Variants in EYA1 observed in about 807,000 individuals in gnomAD.
EYA1 encodes protein phosphatase EYA1.
In EYA1, 16 loss-of-function variants were observed where a neutral mutation model predicts 82.0. The observed-to-expected ratio is 0.20, with a 90% CI of 0.13 to 0.30. The LOEUF (loss-of-function observed/expected upper bound fraction) is 0.30. EYA1 is among the 10% of genes least tolerant of loss of function. The pLI, the probability that EYA1 is intolerant of heterozygous loss-of-function variation, is 1.00. For missense variants in EYA1, 633 were observed against 730.7 expected (o/e 0.87, Z 1.54); for synonymous variants, 261 against 264.4 (o/e 0.99, Z 0.12).
At chr8:71,266,018 T>G (rs1815755023) in intron 11 of EYA1, among the ~76,000 whole-genome samples, 1 of 152,220 alleles carries the variant, frequency 6.6e-6, no homozygotes, top group South Asian at 2.1e-4. Flanking sequence ...AACTTTTTTT[T>G]GGTACACATT....
chr8:71,319,180 G>A lies in EYA1; in HGVS notation c.419-1491C>T, dbSNP rs187965632. On this transcript the variant is annotated intron_variant, in intron 6 of 17. Coordinates refer to ENST00000340726, the MANE Select transcript of EYA1 (RefSeq NM_000503.6). ...GAGTCTCGCTCTGTCACCCAGGCTC[G>A]AGTGCAGTGGCGCAATCTCAGCTCA... is the stretch of plus-strand genomic sequence containing the variant. Among the ~76,000 whole-genome samples, 217 of 151,214 alleles carry A rather than the reference G, an allele frequency of 1.4e-3. 1 individual carries two copies. Among genetic ancestry groups the A allele is most frequent in the African/African-American group, 5.1e-3 (210 of 41,138 alleles).
At chr8:71,545,855 C>T (rs929379419) in intron 1 of EYA1, among the ~76,000 whole-genome samples, 5 of 152,110 alleles carry the variant, frequency 3.3e-5, no homozygotes, top group South Asian at 2.1e-4. Flanking sequence ...CCACTGTGCC[C>T]GGCCTTTTTT....
At chr8:71,326,788 C>G (rs1823200237) in intron 4 of EYA1, among the ~76,000 whole-genome samples, 1 of 152,140 alleles carries the variant, frequency 6.6e-6, no homozygotes, top group Non-Finnish European at 1.5e-5. Flanking sequence ...TGAACTAACA[C>G]AGTCATCTTT....
intron 3 of EYA1, among the ~76,000 whole-genome samples, chr8:71,346,911 A>G (rs1220701495): frequency 6.6e-6 from 1 of 152,208 alleles, no homozygotes; most frequent in Admixed American, 6.5e-5. Flanking sequence ...GCATTTATTT[A>G]ACAATTTTTT....
intron 11 of EYA1, among the ~76,000 whole-genome samples, chr8:71,267,469 G>T (rs1815978948): frequency 6.6e-6 from 1 of 152,106 alleles, no homozygotes; most frequent in Non-Finnish European, 1.5e-5. Context: ...ATCAATGAAG[G>T]ATACACTTAT....
chr8:71,254,399 C>G (rs6999901), intron 11 of EYA1, among the ~76,000 whole-genome samples: 18,258 of 152,008 alleles, frequency 0.12, 1,191 homozygotes, highest in African/African-American at 0.15. Context: ...CTCCCAGGAA[C>G]TCTGTAGGAC....
chr8:71,263,975 A>T (rs1815456771), intron 11 of EYA1, among the ~76,000 whole-genome samples: 1 of 152,204 alleles, frequency 6.6e-6, no homozygotes, highest in African/African-American at 2.4e-5. Context: ...ACACAGCCAC[A>T]TTTATTCATT....
intron 12 of EYA1, among the ~76,000 whole-genome samples, chr8:71,221,873 A>C (rs1284155184): frequency 6.6e-6 from 1 of 152,168 alleles, no homozygotes; most frequent in Non-Finnish European, 1.5e-5. Context: ...AAAGCCTCAG[A>C]TAGACATGCG....
rs1824198567 is a variant in EYA1, at chr8:71,334,082, A to G, written c.202+15T>C. 1.3e-6 allele frequency: 2 copies of G among 1,597,756 alleles called. No homozygotes were observed. The highest frequency in any genetic ancestry group is 1.7e-6 in the Non-Finnish European group (2 of 1,165,250). ...TGCTTGGTGTTGATGTGAAAATCTA[A>G]TATTTATTCCTTACCTGAACCTGAG... On this transcript the variant is annotated intron_variant, in intron 4 of 17. Coordinates refer to ENST00000340726, the MANE Select transcript of EYA1 (RefSeq NM_000503.6).
chr8:71,469,054 T>C (rs1194079773), intron 2 of EYA1, among the ~76,000 whole-genome samples: 7 of 152,102 alleles, frequency 4.6e-5, no homozygotes, highest in Admixed American at 4.6e-4. Context: ...AGCTTGGAAC[T>C]TAGTATCTGA....
At chr8:71,356,592 G>A in intron 1 of EYA1, 81 bp from the exon 2 acceptor site, 3 of 1,483,784 alleles carry the variant, frequency 2.0e-6, no homozygotes, top group Non-Finnish European at 2.7e-6. Flanking sequence ...GCACATGGCT[G>A]AGAACGACAA....
At chr8:71,383,214 T>A (rs1307023042) in intron 2 of EYA1, among the ~76,000 whole-genome samples, 1 of 152,092 alleles carries the variant, frequency 6.6e-6, no homozygotes, top group Non-Finnish European at 1.5e-5. Flanking sequence ...ATTCCAAATG[T>A]TGGCAAAGTT....
At chr8:71,495,569 G>A (rs542618302) in intron 2 of EYA1, among the ~76,000 whole-genome samples, 14 of 152,192 alleles carry the variant, frequency 9.2e-5, no homozygotes, top group African/African-American at 2.9e-4. Flanking sequence ...CCAAGATCAC[G>A]CCACTGCACT....
At chr8:71,211,989 G>A (rs1290545215) in intron 16 of EYA1, among the ~76,000 whole-genome samples, 13 of 152,096 alleles carry the variant, frequency 8.5e-5, no homozygotes, top group Admixed American at 7.9e-4. Flanking sequence ...TATCTTTCCC[G>A]TGTCATGACT....
intron 6 of EYA1, among the ~76,000 whole-genome samples, chr8:71,319,718 C>T (rs1393304959): frequency 5.3e-5 from 8 of 152,104 alleles, no homozygotes; most frequent in Non-Finnish European, 7.4e-5. Context: ...AGTACAAGTC[C>T]TTGGAGAAAG....
chr8:71,449,289 C>T (rs1807161407), intron 2 of EYA1: 1 of 152,644 alleles, frequency 6.6e-6, no homozygotes, highest in Admixed American at 6.5e-5. Context: ...CCAAGACTCA[C>T]ACTTGGTGTA....
chr8:71,446,240 T>C (rs572445847), intron 2 of EYA1, among the ~76,000 whole-genome samples: 2 of 152,100 alleles, frequency 1.3e-5, no homozygotes, highest in South Asian at 2.1e-4. Flanking sequence ...CCCCAGGTGT[T>C]GAGGGCGGGT....
At chr8:71,369,980 A>G (rs1301516266) in intron 2 of EYA1, among the ~76,000 whole-genome samples, 1 of 152,144 alleles carries the variant, frequency 6.6e-6, no homozygotes, top group Non-Finnish European at 1.5e-5. Context: ...CATCCTGACA[A>G]CAGGGAACAA....
chr8:71,526,101 T>G (rs1394660887), intron 2 of EYA1, among the ~76,000 whole-genome samples: 1 of 152,066 alleles, frequency 6.6e-6, no homozygotes, highest in East Asian at 1.9e-4. Flanking sequence ...AGAATTAAGA[T>G]TCTGTTTCAG....
Sources: gnomAD v4.1 joint callset for allele counts (sites outside exome capture counted in the v4.1 genomes callset) on GRCh38, gnomAD v4.1.1 for gene constraint, MANE v1.5 for transcripts, NCBI Gene and HGNC (gene_info 2026-07-23, HGNC 2026-07-21) for gene names.